The following SDS variants were observed in gnomAD, a reference collection of about 807,000 sequenced individuals.
The protein encoded by SDS is serine dehydratase.
A neutral mutation model predicts 29.3 loss-of-function variants in SDS; 19 were observed. That is an observed-to-expected ratio of 0.65 (90% CI 0.45 to 0.95). The LOEUF is 0.95. SDS is among the 40% of genes least tolerant of loss of function. The pLI is 0.00. For missense variants in SDS, 375 were observed against 439.9 expected, an observed-to-expected ratio of 0.85 and a Z score of 1.32; for synonymous variants, 176 against 189.0, an observed-to-expected ratio of 0.93 and a Z score of 0.56.
intron 6 of SDS, among the ~76,000 whole-genome samples, chr12:113,394,562 A>T (rs1285352831): frequency 6.6e-6 from 1 of 151,788 alleles, no homozygotes; most frequent in African/African-American, 2.4e-5. Context: ...CTGGCCTCGA[A>T]TTCCTGACCT....
chr12:113,393,258 C>T (rs950817186), intron 7 of SDS, 109 bp from the exon 8 acceptor site: 10 of 1,082,876 alleles, frequency 9.2e-6, no homozygotes, highest in Non-Finnish European at 1.4e-5. Flanking sequence ...AGCTCTCAGC[C>T]CTGGCTGCAG....
At chr12:113,393,256 G>T (rs1397618793) in intron 7 of SDS, 107 bp from the exon 8 acceptor site, 3 of 1,088,934 alleles carry the variant, frequency 2.8e-6, no homozygotes, top group Non-Finnish European at 4.1e-6. Flanking sequence ...TCAGCTCTCA[G>T]CCCTGGCTGC....
chr12:113,397,967 A>G (rs1957658034), intron 5 of SDS, among the ~76,000 whole-genome samples: 1 of 151,890 alleles, frequency 6.6e-6, no homozygotes, highest in Non-Finnish European at 1.5e-5. Flanking sequence ...TTGCATGTTC[A>G]GCCTTGGGTG....
At chr12:113,395,162 G>A (rs1038922818) in intron 6 of SDS, among the ~76,000 whole-genome samples, 1 of 152,170 alleles carries the variant, frequency 6.6e-6, no homozygotes, top group Non-Finnish European at 1.5e-5. Flanking sequence ...ATAACTTCAA[G>A]ACCTGCACTG....
rs377232574 is a variant in SDS at position 113,398,570 on chromosome 12, C to A, written c.370G>T (p.Ala124Ser). The A allele has an allele frequency of 1.8e-5, 29 of 1,595,390 alleles. No homozygotes were observed. The highest frequency in any genetic ancestry group is 2.7e-5 in the African/African-American group (2 of 74,076). Residue 124 changes from alanine to serine, a missense_variant, in exon 5 of 8, where the codon GCG becomes TCG. By Grantham distance (99) the Ala-to-Ser change is moderately conservative. Coordinates refer to ENST00000257549, the MANE Select transcript of SDS (RefSeq NM_006843.3). ...TAGACCCAACCCGGGTTGTTCTTCG[C>A]TAGGGCCTTGGCCAGCTCGAAGGCT... ...DEAFELAKAL[A>S]KNNPGWVYIP...
At position 113,397,347 on chromosome 12, in the gene SDS, C is replaced by G; in HGVS notation, c.471G>C (p.Trp157Cys). 2 of 1,613,556 alleles carry G rather than the reference C, an allele frequency of 1.2e-6. No individual in the cohort carries two copies. The highest frequency in any genetic ancestry group is 1.7e-6 in the Non-Finnish European group (2 of 1,179,546). ...ACAGCGCGATGGCCCCCGGCTTTTC[C>G]CACAGTGTCTCCTTCAGCTCTTTCA... ...SIVKELKETL[W>C]EKPGAIALSV... Residue 157 changes from tryptophan to cysteine, a missense_variant, in exon 6 of 8, where the codon TGG (tryptophan) becomes TGC (cysteine). By Grantham distance (215) the Trp-to-Cys change is radical. Transcript: ENST00000257549.
chr12:113,403,595 G>C (rs1419676443), intron 1 of SDS, among the ~76,000 whole-genome samples, 173 bp downstream of exon 1: 1 of 151,818 alleles, frequency 6.6e-6, no homozygotes. Flanking sequence ...TCTTGAACTT[G>C]TGGCCTCAAG....
intron 6 of SDS, among the ~76,000 whole-genome samples, chr12:113,395,727 G>A (rs894813261): frequency 6.6e-5 from 10 of 152,178 alleles, no homozygotes; most frequent in Non-Finnish European, 7.3e-5. Context: ...GGGACCTGGC[G>A]CCCTGACTTT....
At chr12:113,396,479 T>TCC (rs1565869366) in intron 6 of SDS, among the ~76,000 whole-genome samples, 1 of 50,806 alleles carries the variant, frequency 2.0e-5, no homozygotes, top group Non-Finnish European at 3.9e-5. Flanking sequence ...TTTTCTTTCT[T>TCC]TCTCTCTCTT....
chr12:113,398,973 C>T (rs983271438), intron 3 of SDS, 127 bp from the exon 4 acceptor site: 15 of 1,531,988 alleles, frequency 9.8e-6, no homozygotes, highest in Non-Finnish European at 1.2e-5. Context: ...GACTGCTGGC[C>T]TCCCCCTGGA....
intron 1 of SDS, among the ~76,000 whole-genome samples, chr12:113,402,617 G>C (rs1443169220): frequency 6.6e-6 from 1 of 151,928 alleles, no homozygotes; most frequent in Non-Finnish European, 1.5e-5. Flanking sequence ...GCCGGTGTAG[G>C]TCACCAAGGC....
At position 113,398,827 on chromosome 12, in the gene SDS, C is replaced by A; in HGVS notation, c.213G>T (p.Ala71=). 1 of 1,608,792 alleles carries A rather than the reference C, an allele frequency of 6.2e-7. No homozygotes were observed. Among genetic ancestry groups the A allele is most frequent in the Non-Finnish European group, 8.5e-7 (1 of 1,177,792 alleles). Residue 71 remains alanine, a synonymous_variant, in exon 4 of 8, where the codon GCG becomes GCT. Coordinates refer to ENST00000257549, the MANE Select transcript of SDS (RefSeq NM_006843.3). ...CGAGTTGCCTGGCCGCATATGCAGC[C>A]GCCATGCCTGCGTTGCCCGCTGCCA... ...VCSSAGNAGM[A]AAYAARQLGV...
intron 7 of SDS, 75 bp from the exon 8 acceptor site, chr12:113,393,224 G>T: frequency 1.4e-6 from 2 of 1,399,892 alleles, no homozygotes; most frequent in Non-Finnish European, 2.0e-6. Context: ...GCCATTGGCA[G>T]GACCTGGGAA....
chr12:113,393,636 A>G (rs1957625371), intron 7 of SDS, among the ~76,000 whole-genome samples: 1 of 152,190 alleles, frequency 6.6e-6, no homozygotes, highest in South Asian at 2.1e-4. Flanking sequence ...AACATTTTAA[A>G]TATTCACTTA....
intron 1 of SDS, 23 bp from the exon 2 acceptor site, chr12:113,399,733 AGAGGGTTAG>A: frequency 6.5e-7 from 1 of 1,543,456 alleles, no homozygotes; most frequent in South Asian, 1.2e-5. Flanking sequence ...AAGGAAACCC[AGAGGGTTAG>A]GAGAGCTAGC....
At chr12:113,401,347 C>G (rs888595602) in intron 1 of SDS, among the ~76,000 whole-genome samples, 3 of 152,122 alleles carry the variant, frequency 2.0e-5, no homozygotes, top group African/African-American at 7.2e-5. Flanking sequence ...ATTATTATAG[C>G]AGTGACTAAT....
At chr12:113,395,599 C>T (rs149443526) in intron 6 of SDS, among the ~76,000 whole-genome samples, 2 of 152,180 alleles carry the variant, frequency 1.3e-5, no homozygotes, top group Non-Finnish European at 2.9e-5. Context: ...TGGAGCATAG[C>T]CTTCTGCCCT....
At chr12:113,393,380 G>A (rs1267386100) in intron 7 of SDS, among the ~76,000 whole-genome samples, 1 of 152,262 alleles carries the variant, frequency 6.6e-6, no homozygotes, top group Admixed American at 6.5e-5. Context: ...GAGTGTGGTT[G>A]CGTGAGCACT....
intron 6 of SDS, among the ~76,000 whole-genome samples, chr12:113,394,350 T>TTG (rs1555207357): frequency 1.3e-5 from 2 of 151,084 alleles, no homozygotes; most frequent in African/African-American, 4.9e-5. Context: ...TTTGTTTTTT[T>TTG]TTTTTTTTAG....
Sources: allele counts gnomAD v4.1 joint callset (sites outside exome capture counted in the v4.1 genomes callset), GRCh38; gene constraint gnomAD v4.1.1; transcripts MANE v1.5; gene names NCBI Gene and HGNC (gene_info 2026-07-23, HGNC 2026-07-21).